The following SLC15A3 variants were observed in gnomAD, a reference collection of about 807,000 sequenced individuals.
SLC15A3 encodes the protein osteoclast transporter.
In SLC15A3, 39 loss-of-function variants were observed where a neutral mutation model predicts 49.2. That is an observed-to-expected ratio of 0.79 (90% CI 0.61 to 1.04). The LOEUF (loss-of-function observed/expected upper bound fraction) is 1.04, where lower values mean the gene tolerates loss of function less well. SLC15A3 is among the 50% of genes least tolerant of loss of function. The probability of loss-of-function intolerance (pLI) is 0.00; values close to 1 mark genes in which losing one functional copy is unlikely to be tolerated. For synonymous variants in SLC15A3, 339 were observed against 367.0 expected, an observed-to-expected ratio of 0.92 and a Z score of 0.87; for missense variants, 758 against 794.8, an observed-to-expected ratio of 0.95 and a Z score of 0.56.
chr11:60,937,833 C>T, intron 7 of SLC15A3, 37 bp downstream of exon 7: 2 of 1,597,596 alleles, frequency 1.3e-6, no homozygotes, highest in Non-Finnish European at 1.7e-6. Flanking sequence ...AGCCTCCCTC[C>T]ATCCATGTCC....
At chr11:60,939,441 C>A in intron 6 of SLC15A3, 39 bp downstream of exon 6, 1 of 1,609,164 alleles carries the variant, frequency 6.2e-7, no homozygotes, top group Non-Finnish European at 8.5e-7. Context: ...GGGCAGAGCC[C>A]ATCACTGGTG....
Position 60,951,542 on chromosome 11 carries a change from G to A in SLC15A3, c.10C>T (p.Pro4Ser). The A allele has an allele frequency of 8.8e-7, 1 of 1,142,308 alleles. No individual in the cohort carries two copies. The allele number at this position is 1,142,308 out of a possible 1,614,324, so 70.8% of individuals were successfully genotyped here. ...ACGCGGGGCTGCTCCCGGGCGCGCGGCGCGGGCATCCTGGCTCCGGGCTGG... is the reference window on the plus strand; with the variant it reads ...ACGCGGGGCTGCTCCCGGGCGCGCGACGCGGGCATCCTGGCTCCGGGCTGG... MPAPRAREQPRVPG... is the reference protein window; with the variant it reads MPASRAREQPRVPG... Residue 4 changes from proline (P) to serine (S), a missense_variant, in exon 1 of 8, where the codon CCG becomes TCG. Coordinates refer to ENST00000227880, the MANE Select transcript of SLC15A3 (RefSeq NM_016582.3).
In SLC15A3 at chr11:60,937,352, A is replaced by G; in HGVS notation, c.1613T>C (p.Met538Thr). The change falls in exon 8 of 8, where the codon ATG (methionine) becomes ACG (threonine). Residue 538 changes from methionine (M) to threonine (T), a missense_variant. Physicochemically the swap from Met to Thr is moderately conservative, Grantham distance 81. Around this residue, in one of 3 missense-constraint regions of SLC15A3, gnomAD observed 699 missense variants for 706.7 expected, o/e 0.99. Transcript: ENST00000227880. ...AGCCAGCAGGAAGAAGTAGAGGTCC[A>G]TCCGGCAATTGTTGATGTTCCCTGG... ...KDFGNINNCR[M>T]DLYFFLLAGI... is the part of the protein sequence containing the mutation. 5 of 1,614,174 alleles carry G rather than the reference A, an allele frequency of 3.1e-6. No individual in the cohort carries two copies. Among genetic ancestry groups the G allele is most frequent in the Non-Finnish European group, 8.5e-7 (1 of 1,180,020 alleles).
chr11:60,943,806 G>A lies in SLC15A3; in HGVS notation c.879C>T (p.Asp293=), dbSNP rs765441074. 70 of 1,599,320 alleles carry A rather than the reference G, an allele frequency of 4.4e-5. No homozygotes were observed. Among genetic ancestry groups the A allele is most frequent in the South Asian group, 3.8e-4 (34 of 88,988 alleles). The change falls in exon 3 of 8, where the codon GAC becomes GAT. Residue 293 remains aspartate, a synonymous_variant. Transcript: ENST00000227880. ...RDRQCARVLA[D]ERSPQPGASP... is the part of the protein sequence containing the mutation. ...AAGCCCCTGGCTGGGGAGACCTCTC[G>A]TCGGCCAGCACGCGGGCACATTGAC...
In SLC15A3 at chr11:60,943,695, G is replaced by A; in HGVS notation, c.990C>T (p.Tyr330=). The change falls in exon 3 of 8, where the codon TAC becomes TAT. Residue 330 remains tyrosine (Y), a synonymous_variant. Transcript: ENST00000227880. ...AAAGGGCAGGTATGCTCACCTGGAA[G>A]TAGACCATCCAGTAGGGCACCAGGG... ...MVTLVPYWMV[Y]FQMQSTYVLQ... 6.4e-7 allele frequency: 1 copy of A among 1,574,746 alleles called. No homozygotes were observed. Among genetic ancestry groups the A allele is most frequent in the Non-Finnish European group, 8.6e-7 (1 of 1,157,850 alleles).
At position 60,943,818 on chromosome 11, in the gene SLC15A3, G is replaced by A. The variant is rs545250325; in HGVS notation, c.867C>T (p.Arg289=). ...RHSARDRQCA[R]VLADERSPQP... ...GGGGAGACCTCTCGTCGGCCAGCAC[G>A]CGGGCACATTGACGGTCTCTGTGAG... Residue 289 remains arginine (R), a synonymous_variant, in exon 3 of 8, where the codon CGC becomes CGT. Transcript: ENST00000227880. 1.6e-5 allele frequency: 26 copies of A among 1,594,308 alleles called. No individual in the cohort carries two copies. In the South Asian group the frequency reaches 2.0e-4, roughly 12 times the overall value.
intron 1 of SLC15A3, among the ~76,000 whole-genome samples, chr11:60,949,515 A>AGAAAGAAAGAAG (rs1856867276): frequency 1.4e-5 from 1 of 69,718 alleles, no homozygotes; most frequent in African/African-American, 3.3e-5. Context: ...AAAGAAAGAA[A>AGAAAGAAAGAAG]GAAAGAAAGA....
chr11:60,938,076 A>ACAGGCC, intron 6 of SLC15A3, 51 bp from the exon 7 acceptor site: 1 of 1,589,532 alleles, frequency 6.3e-7, no homozygotes, highest in Non-Finnish European at 8.6e-7. Context: ...GGCGCAGAGA[A>ACAGGCC]CAGGCCCAGG....
intron 6 of SLC15A3, 29 bp downstream of exon 6, chr11:60,939,451 G>A (rs748020856): frequency 6.2e-7 from 1 of 1,611,232 alleles, no homozygotes; most frequent in South Asian, 1.1e-5. Flanking sequence ...CATCACTGGT[G>A]CAGGAGCAGG....
At chr11:60,946,415 TA>T in intron 2 of SLC15A3, 116 bp downstream of exon 2, 1 of 1,204,104 alleles carries the variant, frequency 8.3e-7, no homozygotes, top group Non-Finnish European at 1.1e-6. Flanking sequence ...CAGATCATCA[TA>T]AAAAGCTATC....
chr11:60,946,600 T>C lies in SLC15A3; in HGVS notation c.780A>G (p.Gln260=), dbSNP rs778598544. 1 of 1,612,942 alleles carries C rather than the reference T, an allele frequency of 6.2e-7. No individual in the cohort carries two copies. The highest frequency in any genetic ancestry group is 1.7e-5 in the Admixed American group (1 of 59,970). Residue 260 remains glutamine (Q), a synonymous_variant, in exon 2 of 8, where the codon CAA becomes CAG. Transcript: ENST00000227880. The part of the protein sequence containing the change: ...VFITKPPMGS[Q]VSSMLKLALQ... ...GAGCGAGCTTAAGCATAGAGGACACTTGGCTGCCCATCGGGGGCTTGGTGA... is the reference window on the plus strand; with the variant it reads ...GAGCGAGCTTAAGCATAGAGGACACCTGGCTGCCCATCGGGGGCTTGGTGA...
At chr11:60,942,173 G>A in intron 3 of SLC15A3, 28 bp from the exon 4 acceptor site, 1 of 1,590,826 alleles carries the variant, frequency 6.3e-7, no homozygotes, top group Non-Finnish European at 8.6e-7. Context: ...GGTGAGGCTG[G>A]AACAGAAACG....
intron 5 of SLC15A3, 28 bp from the exon 6 acceptor site, chr11:60,939,666 G>C: frequency 6.2e-7 from 1 of 1,611,802 alleles, no homozygotes. Context: ...GGGGATTATA[G>C]TCAGGCCCAC....
chr11:60,939,779 G>C (rs1465065681), intron 5 of SLC15A3, 141 bp from the exon 6 acceptor site: 11 of 946,354 alleles, frequency 1.2e-5, no homozygotes, highest in East Asian at 5.3e-5. Context: ...ATGCTGGACT[G>C]GGGGGTGGAG....
At chr11:60,950,962 G>C in intron 1 of SLC15A3, 32 bp downstream of exon 1, 1 of 1,407,436 alleles carries the variant, frequency 7.1e-7, no homozygotes, top group South Asian at 1.5e-5. Context: ...ACACCCGCCG[G>C]AGTATGCCGG....
chr11:60,937,321 A>C lies in SLC15A3; in HGVS notation c.1644T>G (p.Ile548Met), dbSNP rs1856631810. 1 of 1,614,022 alleles carries C rather than the reference A, an allele frequency of 6.2e-7. No homozygotes were observed. The highest frequency in any genetic ancestry group is 1.3e-5 in the African/African-American group (1 of 74,922). ...CAAATAGGAGAGCCGTGACGGCCTGAATGCCAGCCAGCAGGAAGAAGTAGA... is the reference window on the plus strand; with the variant it reads ...CAAATAGGAGAGCCGTGACGGCCTGCATGCCAGCCAGCAGGAAGAAGTAGA... ...MDLYFFLLAG[I>M]QAVTALLFVW... is the part of the protein sequence containing the mutation. The change falls in exon 8 of 8, where the codon ATT becomes ATG. Residue 548 changes from isoleucine (I) to methionine (M), a missense_variant. This residue lies in a region of SLC15A3 where 699 missense variants were observed against 706.7 expected (regional missense o/e 0.99). Transcript: ENST00000227880.
In SLC15A3 at chr11:60,941,264, G is replaced by A. The variant is rs1225035420; in HGVS notation, c.1134C>T (p.Ala378=). 1.2e-6 allele frequency: 2 copies of A among 1,613,920 alleles called. No homozygotes were observed. The highest frequency in any genetic ancestry group is 8.5e-7 in the Non-Finnish European group (1 of 1,179,920). The change falls in exon 5 of 8, where the codon GCC becomes GCT. Residue 378 remains alanine (A), a synonymous_variant. Transcript: ENST00000227880. ...CCAGAATCAGCACCACCACAACATT[G>A]GCCAGGAGGAGCCAGGCTTCCGGGA... ...YTIPEAWLLL[A]NVVVVLILVP... is the part of the protein sequence containing the mutation.
intron 2 of SLC15A3, among the ~76,000 whole-genome samples, chr11:60,945,661 T>C (rs1349516900): frequency 6.6e-6 from 1 of 152,154 alleles, no homozygotes; most frequent in African/African-American, 2.4e-5. Flanking sequence ...AAGTAGACAG[T>C]TAATTTAGGA....
intron 5 of SLC15A3, 182 bp downstream of exon 5, chr11:60,940,940 A>C (rs927367841): frequency 1.9e-6 from 1 of 528,484 alleles, no homozygotes; most frequent in Non-Finnish European, 3.1e-6. Flanking sequence ...TTCTGTCAAA[A>C]TGAGGGGCAG....
Sources: allele counts gnomAD v4.1 joint callset (sites outside exome capture counted in the v4.1 genomes callset), GRCh38; gene constraint gnomAD v4.1.1; regional missense constraint gnomAD v4.1.1; transcripts MANE v1.5; gene names NCBI Gene and HGNC (gene_info 2026-07-23, HGNC 2026-07-21).